Variants in PIK3C2G observed in about 807,000 individuals in gnomAD.
PIK3C2G encodes the protein phosphatidylinositol 3-kinase C2 domain-containing subunit gamma.
PIK3C2G carries 168 observed loss-of-function variants against 181.1 expected under a neutral mutation model. The observed-to-expected ratio is 0.93, with a 90% CI of 0.82 to 1.05. The LOEUF (loss-of-function observed/expected upper bound fraction) is 1.05, where lower values mean the gene tolerates loss of function less well. PIK3C2G is among the 50% of genes least tolerant of loss of function. The pLI is 0.00. For synonymous variants in PIK3C2G, 573 were observed against 592.2 expected, an observed-to-expected ratio of 0.97 and a Z score of 0.47; for missense variants, 1,869 against 1,732.8, an observed-to-expected ratio of 1.08 and a Z score of -1.40.
chr12:18,358,045 G>A (rs527279259), intron 11 of PIK3C2G, among the ~76,000 whole-genome samples: 2 of 152,306 alleles, frequency 1.3e-5, no homozygotes, highest in East Asian at 3.9e-4. Context: ...TGTGAACAAT[G>A]TTGAAATGAA....
At chr12:18,285,855 T>C (rs1055841975) in intron 2 of PIK3C2G, among the ~76,000 whole-genome samples, 1 of 151,832 alleles carries the variant, frequency 6.6e-6, no homozygotes, top group Non-Finnish European at 1.5e-5. Flanking sequence ...TCCATAAATA[T>C]ACTAAATGTA....
chr12:18,702,762 C>G, the PIK3C2G span, among the ~76,000 whole-genome samples: 3 of 150,828 alleles, frequency 2.0e-5, no homozygotes, highest in African/African-American at 7.3e-5. Flanking sequence ...CCTCCTTTAA[C>G]AAGTCTCTAG....
intron 24 of PIK3C2G, among the ~76,000 whole-genome samples, chr12:18,533,857 T>C (rs1943690332): frequency 6.6e-6 from 1 of 151,462 alleles, no homozygotes; most frequent in Non-Finnish European, 1.5e-5. Flanking sequence ...CTAATGACTA[T>C]ACAAGGAGAT....
At chr12:18,414,157 C>T (rs1016404370) in intron 16 of PIK3C2G, among the ~76,000 whole-genome samples, 16 of 152,168 alleles carry the variant, frequency 1.1e-4, no homozygotes, top group South Asian at 4.2e-4. Flanking sequence ...TGCTCTTTCA[C>T]GCAACAATGT....
At chr12:18,502,089 G>A (rs1056562638) in intron 22 of PIK3C2G, among the ~76,000 whole-genome samples, 1 of 152,206 alleles carries the variant, frequency 6.6e-6, no homozygotes, top group Non-Finnish European at 1.5e-5. Flanking sequence ...ATACTATTAG[G>A]AGAGAAGGGA....
intron 31 of PIK3C2G, among the ~76,000 whole-genome samples, chr12:18,630,821 G>C (rs545756391): frequency 3.0e-4 from 45 of 152,178 alleles, no homozygotes; most frequent in African/African-American, 1.0e-3. Flanking sequence ...AAAGAGTACT[G>C]TTACTTTATT....
chr12:18,434,892 A>AT (rs1263913906), intron 18 of PIK3C2G, among the ~76,000 whole-genome samples: 1 of 152,170 alleles, frequency 6.6e-6, no homozygotes, highest in East Asian at 1.9e-4. Context: ...AAGAATCATC[A>AT]TTTTAATAGA....
intron 24 of PIK3C2G, among the ~76,000 whole-genome samples, chr12:18,515,562 G>A (rs1034763467): frequency 2.0e-5 from 3 of 151,848 alleles, no homozygotes; most frequent in South Asian, 2.1e-4. Context: ...CATATCAGTC[G>A]TAATGTCCCT....
rs75897216 is a variant in PIK3C2G at position 18,376,008 on chromosome 12, G to A, written c.1880+4697G>A. ...TCAGAGAATATTTTGGAAAGCCCGG[G>A]TGCCCAGCCATAAGCCTGCTACAGG... On this transcript the variant is annotated intron_variant, in intron 13 of 32. Coordinates refer to ENST00000538779, the MANE Select transcript of PIK3C2G (RefSeq NM_001288772.2). 2.8e-4 allele frequency among the ~76,000 whole-genome samples: 42 copies of A among 152,340 alleles called. No individual in the cohort carries two copies. The East Asian group carries it at 6.8e-3, about 25-fold the overall frequency.
At chr12:18,570,936 C>T (rs1341905912) in intron 29 of PIK3C2G, among the ~76,000 whole-genome samples, 3 of 150,726 alleles carry the variant, frequency 2.0e-5, no homozygotes, top group Non-Finnish European at 4.4e-5. Context: ...AAAATAAATG[C>T]CACGGCAAAG....
chr12:18,537,678 A>G (rs78742197), intron 24 of PIK3C2G, among the ~76,000 whole-genome samples: 4,975 of 152,142 alleles, frequency 0.033, 141 homozygotes, highest in East Asian at 0.17. Flanking sequence ...ATGCCAGTGA[A>G]TTGGTAACAT....
intron 18 of PIK3C2G, among the ~76,000 whole-genome samples, chr12:18,482,113 G>T (rs530606470): frequency 6.6e-6 from 1 of 151,860 alleles, no homozygotes; most frequent in African/African-American, 2.4e-5. Flanking sequence ...TTAAAACTTC[G>T]TTTTCTTCTC....
chr12:18,676,816 G>A, the PIK3C2G span, among the ~76,000 whole-genome samples: 2 of 152,092 alleles, frequency 1.3e-5, no homozygotes, highest in African/African-American at 4.8e-5. Flanking sequence ...ATTATGCTAG[G>A]AAGAGGTCTG....
chr12:18,543,306 A>C (rs932989897), intron 25 of PIK3C2G, among the ~76,000 whole-genome samples: 1 of 151,958 alleles, frequency 6.6e-6, no homozygotes, highest in Admixed American at 6.6e-5. Context: ...TGTCAGATAC[A>C]TAGTTTGCAA....
chr12:18,304,265 A>T lies in PIK3C2G; in HGVS notation c.1035-9697A>T, dbSNP rs7960490. On this transcript the variant is annotated intron_variant, in intron 5 of 32. Transcript: ENST00000538779. ...CATGACAATTTATATTAATTTGTTC[A>T]TTTTTTTTGAGATGGAGTCTTCACT... 1.4e-3 allele frequency among the ~76,000 whole-genome samples: 210 copies of T among 152,012 alleles called. 1 individual carries two copies. The highest frequency in any genetic ancestry group is 2.4e-3 in the Non-Finnish European group (166 of 67,976).
rs758157175 is a variant in PIK3C2G at position 18,562,740 on chromosome 12, T to C, written c.3628T>C (p.Leu1210=). ...KESLECFPVK[L]NNLIHTLAQM... is the part of the protein sequence containing the mutation. ...AAGTCTGGAGTGTTTCCCTGTTAAA[T>C]TGAATAACTTGATCCACACACTTGC... Residue 1210 remains leucine, a synonymous_variant, in exon 27 of 33, where the codon TTG becomes CTG. Coordinates refer to ENST00000538779, the MANE Select transcript of PIK3C2G (RefSeq NM_001288772.2). 1.2e-6 allele frequency: 2 copies of C among 1,605,438 alleles called. No homozygotes were observed. Among genetic ancestry groups the C allele is most frequent in the Admixed American group, 1.7e-5 (1 of 58,968 alleles).
At chr12:18,696,378 A>C in the PIK3C2G span, 7 of 225,796 alleles carry the variant, frequency 3.1e-5, no homozygotes, top group Non-Finnish European at 4.4e-5. Flanking sequence ...AGTTTCAACA[A>C]TTTTGATATG....
At position 18,286,937 on chromosome 12, in the gene PIK3C2G, C is replaced by T. The variant is rs1045832224; in HGVS notation, c.761+8C>T. The stretch of plus-strand genomic sequence containing the variant: ...TTGCAACAAAGTAAAAAAGTGAGTA[C>T]TGGTATTTCATTAAACTTTGAAATT... On this transcript the variant is annotated splice_region_variant and intron_variant, in intron 3 of 32. Coordinates refer to ENST00000538779, the MANE Select transcript of PIK3C2G (RefSeq NM_001288772.2). The T allele has an allele frequency of 6.8e-7, 1 of 1,472,062 alleles. No homozygotes were observed. 91.2% of individuals were successfully genotyped at this position (1,472,062 alleles called of 1,614,324 possible).
chr12:18,257,339 T>C (rs1361451223), upstream of PIK3C2G, among the ~76,000 whole-genome samples: 4 of 152,194 alleles, frequency 2.6e-5, no homozygotes, highest in Non-Finnish European at 5.9e-5. Flanking sequence ...GAAAGATTCA[T>C]TTAACACAGA....
Sources: gnomAD v4.1 joint callset for allele counts (sites outside exome capture counted in the v4.1 genomes callset) on GRCh38, gnomAD v4.1.1 for gene constraint, MANE v1.5 for transcripts, NCBI Gene and HGNC (gene_info 2026-07-23, HGNC 2026-07-21) for gene names.